The following PSMB7 variants were observed in gnomAD, a reference collection of about 807,000 sequenced individuals.
PSMB7 encodes the protein proteasome 20S subunit beta 7.
PSMB7 carries 5 observed loss-of-function variants against 28.1 expected under a neutral mutation model. That is an observed-to-expected ratio of 0.18 (90% CI 0.09 to 0.37). The LOEUF (loss-of-function observed/expected upper bound fraction) is 0.37. Among genes scored for constraint, PSMB7 ranks in the 10% least tolerant of loss-of-function variants. The pLI, the probability that PSMB7 is intolerant of heterozygous loss-of-function variation, is 1.00. For synonymous variants in PSMB7, 122 were observed against 123.7 expected (o/e 0.99, Z 0.09); for missense variants, 275 against 346.2 (o/e 0.79, Z 1.63).
chr9:124,385,674 A>G (rs1830711363), intron 5 of PSMB7, among the ~76,000 whole-genome samples: 1 of 152,214 alleles, frequency 6.6e-6, no homozygotes, highest in South Asian at 2.1e-4. Context: ...AGAGAAAACC[A>G]TATTTTCTAT....
chr9:124,364,524 G>GA (rs10595510), intron 6 of PSMB7, among the ~76,000 whole-genome samples: 51 of 132,112 alleles, frequency 3.9e-4, no homozygotes, highest in African/African-American at 8.0e-4. Flanking sequence ...TGTAATCAGA[G>GA]AAAAAAAAAA....
At chr9:124,400,204 C>A (rs1830886660) in intron 5 of PSMB7, among the ~76,000 whole-genome samples, 1 of 152,204 alleles carries the variant, frequency 6.6e-6, no homozygotes, top group Admixed American at 6.5e-5. Context: ...TGAGGTCTAT[C>A]CCTCGGGGGT....
chr9:124,410,139 C>T (rs1468973691), intron 4 of PSMB7, among the ~76,000 whole-genome samples: 17 of 151,562 alleles, frequency 1.1e-4, no homozygotes, highest in East Asian at 2.0e-4. Flanking sequence ...GGACTACAGG[C>T]GCCCGCCACC....
At chr9:124,378,244 G>A (rs7875898) in intron 6 of PSMB7, among the ~76,000 whole-genome samples, 54,931 of 152,094 alleles carry the variant, frequency 0.36, 10,177 homozygotes, top group Non-Finnish European at 0.4. Context: ...CTCATGGGAC[G>A]CCAGAGCATG....
intron 6 of PSMB7, among the ~76,000 whole-genome samples, chr9:124,370,046 A>G (rs562976766): frequency 1.3e-5 from 2 of 152,286 alleles, no homozygotes; most frequent in African/African-American, 4.8e-5. Context: ...ATGGCATGCA[A>G]GCCCACCCTT....
chr9:124,415,086 C>T (rs1831072905), intron 1 of PSMB7, 151 bp from the exon 2 acceptor site: 1 of 638,632 alleles, frequency 1.6e-6, no homozygotes, highest in African/African-American at 1.8e-5. Context: ...GCACTGTTCT[C>T]CCGTTTTCCA....
chr9:124,353,772 A>G, intron 7 of PSMB7, 63 bp from the exon 8 acceptor site: 3 of 1,242,898 alleles, frequency 2.4e-6, no homozygotes, highest in South Asian at 2.4e-5. Flanking sequence ...AGGGCAGAAG[A>G]CAGTGAAAAT....
At chr9:124,389,977 G>C (rs955856710) in intron 5 of PSMB7, among the ~76,000 whole-genome samples, 1 of 152,118 alleles carries the variant, frequency 6.6e-6, no homozygotes, top group Non-Finnish European at 1.5e-5. Flanking sequence ...CTGAAACTCC[G>C]AAAAATACAT....
intron 5 of PSMB7, among the ~76,000 whole-genome samples, chr9:124,400,860 T>C (rs975235164): frequency 6.6e-6 from 1 of 152,164 alleles, no homozygotes; most frequent in African/African-American, 2.4e-5. Context: ...TACCAAAATA[T>C]GAAAAACAAG....
intron 6 of PSMB7, among the ~76,000 whole-genome samples, chr9:124,368,704 A>T (rs529940683): frequency 1.7e-4 from 26 of 152,260 alleles, no homozygotes; most frequent in Non-Finnish European, 3.4e-4. Context: ...AAAGCAATTT[A>T]ATTTTCTTTG....
At chr9:124,379,822 T>C (rs1830647573) in intron 6 of PSMB7, among the ~76,000 whole-genome samples, 1 of 152,374 alleles carries the variant, frequency 6.6e-6, no homozygotes, top group Non-Finnish European at 1.5e-5. Context: ...CTTGAAAAGA[T>C]GTTCAGCACT....
At chr9:124,410,192 C>T (rs1374605763) in intron 4 of PSMB7, among the ~76,000 whole-genome samples, 2 of 151,996 alleles carry the variant, frequency 1.3e-5, no homozygotes, top group Non-Finnish European at 2.9e-5. Context: ...GATGGGGTTT[C>T]ACCATGTTAG....
At chr9:124,395,701 C>T (rs1467092220) in intron 5 of PSMB7, among the ~76,000 whole-genome samples, 1 of 151,938 alleles carries the variant, frequency 6.6e-6, no homozygotes, top group African/African-American at 2.4e-5. Context: ...CTTCCCAAGT[C>T]AAAAAAAGTA....
chr9:124,368,207 C>T (rs1021489573), intron 6 of PSMB7, among the ~76,000 whole-genome samples: 2 of 151,680 alleles, frequency 1.3e-5, no homozygotes, highest in East Asian at 3.9e-4. Flanking sequence ...ACCCAAACAA[C>T]GCTTTAAGGT....
chr9:124,370,790 G>C (rs1588570562), intron 6 of PSMB7, among the ~76,000 whole-genome samples: 1 of 152,184 alleles, frequency 6.6e-6, no homozygotes, highest in South Asian at 2.1e-4. Flanking sequence ...GCATTAGAAG[G>C]TTTACCATTT....
chr9:124,391,515 T>C (rs1830786948), intron 5 of PSMB7, among the ~76,000 whole-genome samples: 1 of 152,204 alleles, frequency 6.6e-6, no homozygotes, highest in Non-Finnish European at 1.5e-5. Context: ...TTTGTGTTGT[T>C]TTGCTTGGAA....
At chr9:124,392,266 C>T (rs913499610) in intron 5 of PSMB7, among the ~76,000 whole-genome samples, 16 of 152,224 alleles carry the variant, frequency 1.1e-4, no homozygotes, top group Non-Finnish European at 1.9e-4. Flanking sequence ...ACTCTTTCTT[C>T]AAACAACCCA....
At chr9:124,400,709 T>G (rs545380707) in intron 5 of PSMB7, among the ~76,000 whole-genome samples, 1 of 152,340 alleles carries the variant, frequency 6.6e-6, no homozygotes. Flanking sequence ...AATCCCTCTC[T>G]TCCTTAAATC....
At chr9:124,398,785 GAAGAC>G (rs1387551727) in intron 5 of PSMB7, among the ~76,000 whole-genome samples, 2 of 152,266 alleles carry the variant, frequency 1.3e-5, no homozygotes, top group East Asian at 3.9e-4. Flanking sequence ...GCCAGAGATG[GAAGAC>G]AAGGGTTCAA....
Sources: gnomAD v4.1 joint callset for allele counts (sites outside exome capture counted in the v4.1 genomes callset) on GRCh38, gnomAD v4.1.1 for gene constraint, MANE v1.5 for transcripts, NCBI Gene and HGNC (gene_info 2026-07-23, HGNC 2026-07-21) for gene names.